KCNIP4: variants seen among roughly 807,000 people sequenced by gnomAD.
KCNIP4 encodes the protein Kv channel-interacting protein 4.
In KCNIP4, 12 loss-of-function variants were observed where a neutral mutation model predicts 34.0. The observed-to-expected ratio is 0.35, with a 90% CI of 0.23 to 0.57. The LOEUF (loss-of-function observed/expected upper bound fraction) is 0.57. Among genes scored for constraint, KCNIP4 ranks in the 20% least tolerant of loss-of-function variants. KCNIP4 has a pLI of 0.83. For missense variants in KCNIP4, 238 were observed against 311.7 expected (o/e 0.76, Z 1.78); for synonymous variants, 124 against 102.2 (o/e 1.21, Z -1.29).
chr4:20,913,930 C>T (rs781745965), intron 1 of KCNIP4, among the ~76,000 whole-genome samples: 5 of 152,054 alleles, frequency 3.3e-5, no homozygotes, highest in Non-Finnish European at 5.9e-5. Context: ...CCAAGGTGGG[C>T]GGATCACCTG....
chr4:20,760,758 C>T (rs1326684319), intron 3 of KCNIP4, among the ~76,000 whole-genome samples: 4 of 151,930 alleles, frequency 2.6e-5, no homozygotes, highest in South Asian at 2.1e-4. Context: ...GACAAGGTTT[C>T]GTATTAGATG....
chr4:21,083,661 T>TTGTC (rs1209495529), intron 1 of KCNIP4, among the ~76,000 whole-genome samples: 4 of 151,882 alleles, frequency 2.6e-5, no homozygotes, highest in Admixed American at 2.6e-4. Context: ...AAGGAATGGA[T>TTGTC]TGTCTCCTAA....
rs115627462 is a variant in KCNIP4 at position 21,206,429 on chromosome 4, G to T, written c.62-323720C>A. 2.7e-3 allele frequency among the ~76,000 whole-genome samples: 408 copies of T among 152,268 alleles called. 1 individual carries two copies. The highest frequency in any genetic ancestry group is 4.4e-3 in the Non-Finnish European group (297 of 68,026). On this transcript the variant is annotated intron_variant, in intron 1 of 8. Coordinates refer to ENST00000382152, the MANE Select transcript of KCNIP4 (RefSeq NM_025221.6). ...CTAATAGTTGAAAATACATTATGGA[G>T]AGAGGTGCTGGTTGGGATTTAGAGG...
At chr4:21,678,827 C>T (rs1364319157) in intron 1 of KCNIP4, among the ~76,000 whole-genome samples, 1 of 152,154 alleles carries the variant, frequency 6.6e-6, no homozygotes, top group Non-Finnish European at 1.5e-5. Flanking sequence ...CCATCCCAAA[C>T]TTGTTTGTTG....
chr4:20,899,757 C>T (rs532829401), intron 1 of KCNIP4, among the ~76,000 whole-genome samples: 6 of 152,162 alleles, frequency 3.9e-5, no homozygotes, highest in African/African-American at 1.4e-4. Context: ...AGGTAATATC[C>T]CTTAAAGCTT....
In KCNIP4 at chr4:20,901,261, C is replaced by T. The variant is rs534564052; in HGVS notation, c.62-18552G>A. Among the ~76,000 whole-genome samples the T allele has an allele frequency of 1.3e-4, 20 of 152,302 alleles. No individual in the cohort carries two copies. In the South Asian group the frequency reaches 2.3e-3, roughly 17 times the overall value. Reference sequence around the variant, plus strand: ...AAAGCTCAATCGCGTTTAGTTGAAACTCCTTTCTTCAGTTCTTCCCATACT... The same window carrying T: ...AAAGCTCAATCGCGTTTAGTTGAAATTCCTTTCTTCAGTTCTTCCCATACT... On this transcript the variant is annotated intron_variant, in intron 1 of 8. Transcript: ENST00000382152.
chr4:21,879,178 T>TA (rs1432334618), intron 1 of KCNIP4, among the ~76,000 whole-genome samples: 1 of 152,160 alleles, frequency 6.6e-6, no homozygotes, highest in Non-Finnish European at 1.5e-5. Flanking sequence ...GTCCGCTTTT[T>TA]AAAAAAATTG....
chr4:21,195,512 T>C (rs532206094), intron 1 of KCNIP4, among the ~76,000 whole-genome samples: 58 of 152,308 alleles, frequency 3.8e-4, no homozygotes, highest in Non-Finnish European at 6.9e-4. Flanking sequence ...TCAGATGCAC[T>C]GTGCATTAAT....
chr4:20,999,740 G>C (rs1217687635), intron 1 of KCNIP4, among the ~76,000 whole-genome samples: 1 of 151,894 alleles, frequency 6.6e-6, no homozygotes, highest in Non-Finnish European at 1.5e-5. Context: ...TGAACCACTA[G>C]GGCTGGAGAG....
At chr4:21,191,081 T>A (rs982425582) in intron 1 of KCNIP4, among the ~76,000 whole-genome samples, 2 of 152,320 alleles carry the variant, frequency 1.3e-5, no homozygotes, top group Middle Eastern at 3.4e-3. Flanking sequence ...CTCTTTGCAT[T>A]CAATTTGTCA....
chr4:21,323,438 C>T (rs1225315136), intron 1 of KCNIP4, among the ~76,000 whole-genome samples: 1 of 151,968 alleles, frequency 6.6e-6, no homozygotes, highest in African/African-American at 2.4e-5. Flanking sequence ...ACTCTTGTAA[C>T]CATTATTCTA....
At chr4:21,556,047 T>C (rs1054845315) in intron 1 of KCNIP4, among the ~76,000 whole-genome samples, 1 of 152,152 alleles carries the variant, frequency 6.6e-6, no homozygotes, top group Non-Finnish European at 1.5e-5. Flanking sequence ...CTCAATATCC[T>C]ATTGACATGA....
chr4:21,530,040 G>A (rs115628759), intron 1 of KCNIP4, among the ~76,000 whole-genome samples: 1,610 of 152,216 alleles, frequency 0.011, 27 homozygotes, highest in African/African-American at 0.037. Context: ...TTTGTAGTGC[G>A]CTGTATACAG....
rs573406184 is a variant in KCNIP4 at position 21,625,498 on chromosome 4, G to A, written c.61+323073C>T. Among the ~76,000 whole-genome samples, 3 of 152,002 alleles carry A rather than the reference G, an allele frequency of 2.0e-5. No individual in the cohort carries two copies. The South Asian group carries it at 6.2e-4, about 31-fold the overall frequency. On this transcript the variant is annotated intron_variant, in intron 1 of 8. Transcript: ENST00000382152. The stretch of plus-strand genomic sequence containing the variant: ...CACATGGGGGACATCAGTGGAAGTC[G>A]AATTTAAATCCCACTTCTCTCATTA...
chr4:21,404,163 C>T (rs1723778574), intron 1 of KCNIP4, among the ~76,000 whole-genome samples: 1 of 152,200 alleles, frequency 6.6e-6, no homozygotes, highest in Non-Finnish European at 1.5e-5. Context: ...TAGCTTGCTT[C>T]TCCAAATAAC....
At chr4:21,603,611 G>C (rs1743392119) in intron 1 of KCNIP4, among the ~76,000 whole-genome samples, 1 of 151,924 alleles carries the variant, frequency 6.6e-6, no homozygotes, top group Non-Finnish European at 1.5e-5. Context: ...AAAATCACGG[G>C]GTCCAACTTC....
At chr4:20,928,004 G>C (rs1560576519) in intron 1 of KCNIP4, among the ~76,000 whole-genome samples, 1 of 151,978 alleles carries the variant, frequency 6.6e-6, no homozygotes, top group African/African-American at 2.4e-5. Flanking sequence ...AGGGATGATA[G>C]AAAATACTAG....
At chr4:21,787,442 C>G (rs1423760935) in intron 1 of KCNIP4, among the ~76,000 whole-genome samples, 1 of 152,212 alleles carries the variant, frequency 6.6e-6, no homozygotes, top group Non-Finnish European at 1.5e-5. Flanking sequence ...GTTAGATGCT[C>G]TCTCATTTAT....
chr4:20,810,796 T>G (rs184803875), intron 3 of KCNIP4, among the ~76,000 whole-genome samples: 42 of 152,334 alleles, frequency 2.8e-4, no homozygotes, highest in African/African-American at 8.7e-4. Flanking sequence ...AAATACTTTT[T>G]TTTAACCTTT....
Sources: gnomAD v4.1 joint callset for allele counts (sites outside exome capture counted in the v4.1 genomes callset) on GRCh38, gnomAD v4.1.1 for gene constraint, MANE v1.5 for transcripts, NCBI Gene and HGNC (gene_info 2026-07-23, HGNC 2026-07-21) for gene names.